ZBTB20: variants seen among roughly 807,000 people sequenced by gnomAD.
ZBTB20 encodes zinc finger and BTB domain-containing protein 20.
In ZBTB20, 9 loss-of-function variants were observed where a neutral mutation model predicts 56.9. The ratio of observed to expected loss-of-function variants is 0.16; its 90% confidence interval spans 0.10 to 0.28. The LOEUF (loss-of-function observed/expected upper bound fraction) is 0.28, where lower values mean the gene tolerates loss of function less well. Ranked by LOEUF, ZBTB20 falls within the 10% of genes least tolerant of loss-of-function variation. The pLI is 1.00. For missense variants in ZBTB20, 655 were observed against 1,003.0 expected, an observed-to-expected ratio of 0.65 and a Z score of 4.69; for synonymous variants, 417 against 420.7, an observed-to-expected ratio of 0.99 and a Z score of 0.11.
chr3:114,808,032 T>C (rs2072246054), intron 4 of ZBTB20, among the ~76,000 whole-genome samples: 1 of 152,140 alleles, frequency 6.6e-6, no homozygotes, highest in African/African-American at 2.4e-5. Flanking sequence ...TCTTGCTCTA[T>C]TTCTAGAAAA....
intron 7 of ZBTB20, among the ~76,000 whole-genome samples, chr3:114,392,740 C>T (rs1183993777): frequency 1.3e-5 from 2 of 152,164 alleles, no homozygotes; most frequent in Non-Finnish European, 2.9e-5. Flanking sequence ...ACAATTGCCT[C>T]TGAGTCTGTT....
At chr3:114,454,175 G>GGAGA (rs71146322) in intron 7 of ZBTB20, among the ~76,000 whole-genome samples, 7,734 of 116,468 alleles carry the variant, frequency 0.066, 502 homozygotes, top group African/African-American at 0.15. Flanking sequence ...AAAAGAGAAG[G>GGAGA]GAGAGAGAGA....
intron 5 of ZBTB20, among the ~76,000 whole-genome samples, chr3:114,765,311 C>T (rs2056534): frequency 0.81 from 123,737 of 152,074 alleles, 51,816 homozygotes; most frequent in East Asian, 0.98. Context: ...AAGATGCAGT[C>T]GTAATGGAGT....
chr3:115,045,527 T>C (rs1273310830), intron 2 of ZBTB20, among the ~76,000 whole-genome samples: 1 of 151,896 alleles, frequency 6.6e-6, no homozygotes, highest in Non-Finnish European at 1.5e-5. Context: ...TTACTGGTAT[T>C]GTTATTGTCT....
intron 5 of ZBTB20, among the ~76,000 whole-genome samples, chr3:114,722,213 A>G (rs1296452510): frequency 6.6e-6 from 1 of 152,206 alleles, no homozygotes; most frequent in African/African-American, 2.4e-5. Flanking sequence ...CTTTCTAACT[A>G]CATGACATAC....
intron 7 of ZBTB20, among the ~76,000 whole-genome samples, chr3:114,467,712 G>A (rs1478618262): frequency 6.6e-6 from 1 of 152,128 alleles, no homozygotes; most frequent in East Asian, 1.9e-4. Flanking sequence ...AACTATATCT[G>A]GAAGTTTTTA....
chr3:114,893,045 C>G (rs1012556215), intron 4 of ZBTB20, among the ~76,000 whole-genome samples: 1 of 152,176 alleles, frequency 6.6e-6, no homozygotes, highest in East Asian at 1.9e-4. Context: ...TCATTGGGTA[C>G]AGCACATTTA....
At chr3:114,674,370 G>A (rs1311044574) in intron 6 of ZBTB20, among the ~76,000 whole-genome samples, 1 of 152,166 alleles carries the variant, frequency 6.6e-6, no homozygotes, top group Non-Finnish European at 1.5e-5. Flanking sequence ...TTTAATTCTA[G>A]TTGTTTTATA....
chr3:114,498,236 C>T (rs1210500126), intron 7 of ZBTB20, among the ~76,000 whole-genome samples: 3 of 152,132 alleles, frequency 2.0e-5, no homozygotes, highest in African/African-American at 7.2e-5. Flanking sequence ...TTCTGCTAAA[C>T]AGTAATGGAA....
chr3:114,526,260 T>G lies in ZBTB20; in HGVS notation c.-294-25869A>C, dbSNP rs1160721928. On this transcript the variant is annotated intron_variant, in intron 6 of 11. Transcript: ENST00000675478. ...AATATTTTCTCAAATAATATAAAAT[T>G]TATAATATTTATGAATAAATGACAC... is the stretch of plus-strand genomic sequence containing the variant. Among the ~76,000 whole-genome samples, 4 of 152,110 alleles carry G rather than the reference T, an allele frequency of 2.6e-5. No homozygotes were observed. The South Asian group carries it at 6.2e-4, about 24-fold the overall frequency.
chr3:114,643,835 A>C (rs748203565), intron 6 of ZBTB20, among the ~76,000 whole-genome samples: 1 of 151,906 alleles, frequency 6.6e-6, no homozygotes, highest in Non-Finnish European at 1.5e-5. Flanking sequence ...GAGAATTCTA[A>C]CTCTTTAACT....
At chr3:114,526,100 G>A (rs1420361504) in intron 6 of ZBTB20, among the ~76,000 whole-genome samples, 1 of 151,992 alleles carries the variant, frequency 6.6e-6, no homozygotes, top group Admixed American at 6.6e-5. Context: ...TGTTCCTGTG[G>A]GATTTGTTTT....
intron 10 of ZBTB20, among the ~76,000 whole-genome samples, chr3:114,370,194 T>G (rs2082848439): frequency 1.3e-5 from 2 of 152,210 alleles, no homozygotes; most frequent in South Asian, 4.1e-4. Flanking sequence ...TTAACACTGG[T>G]TTTTCTCAGT....
rs542391117 is a variant in ZBTB20 at position 115,055,029 on chromosome 3, A to G, written c.-507+16190T>C. Among the ~76,000 whole-genome samples, 52 of 152,198 alleles carry G rather than the reference A, an allele frequency of 3.4e-4. 1 individual carries two copies. In the South Asian group the frequency reaches 0.01, roughly 30 times the overall value. On this transcript the variant is annotated intron_variant, in intron 2 of 11. Coordinates refer to ENST00000675478, the MANE Select transcript of ZBTB20 (RefSeq NM_001348800.3). ...GTCCATGCTTTCCTGACAACAGACA[A>G]ACATTCCAGGGGTTCCTTGAGACAA...
intron 7 of ZBTB20, among the ~76,000 whole-genome samples, chr3:114,429,184 A>T (rs867301410): frequency 3.9e-5 from 6 of 152,214 alleles, no homozygotes; most frequent in South Asian, 2.1e-4. Flanking sequence ...TTATAAAAGT[A>T]AAAAAGTACG....
In ZBTB20 at chr3:114,337,487, T is replaced by C. The variant is rs1172056109; in HGVS notation, c.*1518A>G. ...TTTGGAGAAGCAAGCAATCTCTTTC[T>C]GAAAGATAAAGTCTCTTCCATGAAA... On this transcript the variant is annotated 3_prime_UTR_variant, in exon 12 of 12. Transcript: ENST00000675478. The C allele has an allele frequency of 6.6e-6, 1 of 152,198 alleles. No homozygotes were observed. Among genetic ancestry groups the C allele is most frequent in the East Asian group, 1.9e-4 (1 of 5,202 alleles). The allele number at this position is 152,198 out of a possible 1,614,324, so 9.4% of individuals were successfully genotyped here. A position where few individuals can be genotyped will look rare whatever the true frequency, so the allele number is the denominator to read the frequency against.
intron 7 of ZBTB20, among the ~76,000 whole-genome samples, chr3:114,422,125 C>T (rs1057089383): frequency 3.3e-5 from 5 of 152,144 alleles, no homozygotes; most frequent in Non-Finnish European, 5.9e-5. Context: ...TGTCTCACTA[C>T]GGCATGATAG....
chr3:114,879,833 AGGT>A (rs1392016560), intron 4 of ZBTB20, among the ~76,000 whole-genome samples: 1 of 152,138 alleles, frequency 6.6e-6, no homozygotes, highest in East Asian at 1.9e-4. Context: ...CCTGTGCTGG[AGGT>A]GGTTAAGATC....
intron 2 of ZBTB20, among the ~76,000 whole-genome samples, chr3:114,975,028 T>G (rs2078040364): frequency 6.6e-6 from 1 of 152,182 alleles, no homozygotes; most frequent in South Asian, 2.1e-4. Context: ...TATTTCCTGT[T>G]TTAGCAGAAA....
Sources: gnomAD v4.1 joint callset for allele counts (sites outside exome capture counted in the v4.1 genomes callset) on GRCh38, gnomAD v4.1.1 for gene constraint, MANE v1.5 for transcripts, NCBI Gene and HGNC (gene_info 2026-07-23, HGNC 2026-07-21) for gene names.